Variants in KCNMA1 observed in about 807,000 individuals in gnomAD.
The protein encoded by KCNMA1 is potassium calcium-activated channel subfamily M alpha 1.
In KCNMA1, 29 loss-of-function variants were observed where a neutral mutation model predicts 140.0. That is an observed-to-expected ratio of 0.21 (90% CI 0.15 to 0.28). The LOEUF is 0.28. KCNMA1 is among the 10% of genes least tolerant of loss of function. The pLI is 1.00. For synonymous variants in KCNMA1, 612 were observed against 611.9 expected (o/e 1.00, Z 0.00); for missense variants, 880 against 1,602.2 (o/e 0.55, Z 7.70).
intron 9 of KCNMA1, among the ~76,000 whole-genome samples, chr10:77,106,253 C>T (rs61866990): frequency 0.061 from 9,150 of 150,498 alleles, 393 homozygotes; most frequent in Non-Finnish European, 0.092. Flanking sequence ...TTTTCATAAA[C>T]GGAGAAGAAA....
chr10:77,336,759 G>A (rs1053137248), intron 2 of KCNMA1, among the ~76,000 whole-genome samples: 3 of 152,224 alleles, frequency 2.0e-5, no homozygotes, highest in Non-Finnish European at 4.4e-5. Flanking sequence ...CACAGCCAGA[G>A]AGATGAATAC....
intron 1 of KCNMA1, among the ~76,000 whole-genome samples, chr10:77,484,312 C>T (rs2098437128): frequency 6.6e-6 from 1 of 152,132 alleles, no homozygotes; most frequent in Admixed American, 6.5e-5. Context: ...AATGATGTGC[C>T]CAAGGTCACA....
intron 5 of KCNMA1, among the ~76,000 whole-genome samples, chr10:77,123,294 T>A (rs2097665286): frequency 6.7e-6 from 1 of 148,760 alleles, no homozygotes; most frequent in Non-Finnish European, 1.5e-5. Flanking sequence ...CCCAGTCAAG[T>A]GGTTGTTCAA....
intron 3 of KCNMA1, among the ~76,000 whole-genome samples, chr10:77,240,756 G>A (rs145665450): frequency 2.0e-5 from 3 of 152,190 alleles, no homozygotes; most frequent in African/African-American, 4.8e-5. Flanking sequence ...GCCACTTCAG[G>A]TGAGGCTTCA....
At chr10:76,977,711 G>A in intron 19 of KCNMA1, 1 of 698,532 alleles carries the variant, frequency 1.4e-6, no homozygotes, top group Non-Finnish European at 2.6e-6. Flanking sequence ...GGGGACATTG[G>A]GAGGAACAGA....
intron 1 of KCNMA1, among the ~76,000 whole-genome samples, chr10:77,483,365 C>T (rs905134041): frequency 2.0e-5 from 3 of 152,202 alleles, no homozygotes; most frequent in Non-Finnish European, 4.4e-5. Flanking sequence ...TTCCTGCCAT[C>T]CCTATTCATC....
chr10:77,094,842 A>C (rs2096893057), intron 9 of KCNMA1, among the ~76,000 whole-genome samples: 2 of 151,918 alleles, frequency 1.3e-5, no homozygotes, highest in African/African-American at 4.8e-5. Context: ...CTGGGACTAT[A>C]GGCATGCCAC....
chr10:77,471,878 C>A (rs1052232636), intron 1 of KCNMA1, among the ~76,000 whole-genome samples: 1 of 151,638 alleles, frequency 6.6e-6, no homozygotes, highest in African/African-American at 2.4e-5. Flanking sequence ...CATATATACA[C>A]ACACATAAAC....
intron 5 of KCNMA1, among the ~76,000 whole-genome samples, chr10:77,133,970 ACT>A (rs1280037325): frequency 2.6e-5 from 4 of 152,142 alleles, no homozygotes; most frequent in South Asian, 2.1e-4. Flanking sequence ...AGAGAAATAG[ACT>A]CTATTTTATC....
At position 77,511,245 on chromosome 10, in the gene KCNMA1, C is replaced by G. The variant is rs1456247070; in HGVS notation, c.379-107222G>C. Among the ~76,000 whole-genome samples, 4 of 152,222 alleles carry G rather than the reference C, an allele frequency of 2.6e-5. No homozygotes were observed. In the East Asian group the frequency reaches 7.7e-4, roughly 29 times the overall value. On this transcript the variant is annotated intron_variant, in intron 1 of 27. Transcript: ENST00000286628. ...CCAGGTGATGCTGATGCTGTTGACC[C>G]AGGGACCCCATTTTGAGAACCACTG...
intron 2 of KCNMA1, among the ~76,000 whole-genome samples, chr10:77,292,186 C>T (rs559683089): frequency 7.2e-5 from 11 of 152,244 alleles, no homozygotes; most frequent in South Asian, 2.1e-4. Context: ...AAGGCACAGC[C>T]GGCTGAGACC....
chr10:76,933,283 C>A (rs2059718271), intron 23 of KCNMA1, among the ~76,000 whole-genome samples: 1 of 152,224 alleles, frequency 6.6e-6, no homozygotes, highest in African/African-American at 2.4e-5. Context: ...TATCCATCCC[C>A]TCCACAAACC....
chr10:77,085,609 C>T (rs2153766623), intron 11 of KCNMA1, among the ~76,000 whole-genome samples: 1 of 152,180 alleles, frequency 6.6e-6, no homozygotes, highest in Non-Finnish European at 1.5e-5. Context: ...ATAGATCATT[C>T]CTGGATTTTG....
intron 2 of KCNMA1, among the ~76,000 whole-genome samples, chr10:77,378,080 T>C (rs10824534): frequency 0.24 from 35,916 of 152,180 alleles, 5,381 homozygotes; most frequent in Non-Finnish European, 0.35. Flanking sequence ...CTTAAACTGC[T>C]ATACACTGAG....
rs556719236 is a variant in KCNMA1 at position 77,513,276 on chromosome 10, T to C, written c.379-109253A>G. Among the ~76,000 whole-genome samples, 23 of 152,322 alleles carry C rather than the reference T, an allele frequency of 1.5e-4. No homozygotes were observed. In the East Asian group the frequency reaches 4.4e-3, roughly 29 times the overall value. On this transcript the variant is annotated intron_variant, in intron 1 of 27. Transcript: ENST00000286628. ...AACGCTCTTCCCCCAAATTTCCTCC[T>C]GGCTGGCTTCCTCTGAGTTCAAATG...
intron 1 of KCNMA1, among the ~76,000 whole-genome samples, chr10:77,460,747 T>C (rs761261222): frequency 6.6e-6 from 1 of 152,010 alleles, no homozygotes; most frequent in Non-Finnish European, 1.5e-5. Flanking sequence ...CACATGGACA[T>C]ACAGAATGGA....
chr10:77,509,966 A>T (rs1424467899), intron 1 of KCNMA1, among the ~76,000 whole-genome samples: 2 of 151,734 alleles, frequency 1.3e-5, no homozygotes, highest in African/African-American at 4.8e-5. Context: ...TATGGGGCTG[A>T]TATCATAACC....
intron 3 of KCNMA1, among the ~76,000 whole-genome samples, chr10:77,189,187 T>C (rs1192454653): frequency 6.6e-6 from 1 of 152,108 alleles, no homozygotes; most frequent in East Asian, 1.9e-4. Flanking sequence ...GGAACACCGC[T>C]TTGAGACCTG....
At chr10:77,432,083 C>A (rs2097167647) in intron 1 of KCNMA1, among the ~76,000 whole-genome samples, 1 of 152,202 alleles carries the variant, frequency 6.6e-6, no homozygotes, top group Non-Finnish European at 1.5e-5. Flanking sequence ...CTCACACCTG[C>A]AGGACTCCAG....
Sources: allele counts gnomAD v4.1 joint callset (sites outside exome capture counted in the v4.1 genomes callset), GRCh38; gene constraint gnomAD v4.1.1; transcripts MANE v1.5; gene names NCBI Gene and HGNC (gene_info 2026-07-23, HGNC 2026-07-21).